MGST1: variants seen among roughly 807,000 people sequenced by gnomAD.
MGST1 encodes the protein glutathione S-transferase 12.
A neutral mutation model predicts 8.9 loss-of-function variants in MGST1; 5 were observed. The observed-to-expected ratio is 0.56, with a 90% CI of 0.29 to 1.19. MGST1 has a LOEUF of 1.19. Ranked by LOEUF, MGST1 falls within the 50% of genes most tolerant of loss-of-function variation. The probability of loss-of-function intolerance (pLI) is 0.08; values close to 1 mark genes in which losing one functional copy is unlikely to be tolerated. For missense variants in MGST1, 182 were observed against 187.4 expected, an observed-to-expected ratio of 0.97 and a Z score of 0.17; for synonymous variants, 54 against 67.8, an observed-to-expected ratio of 0.80 and a Z score of 1.00.
chr12:16,377,972 T>C (rs923145995), downstream of MGST1, among the ~76,000 whole-genome samples: 3 of 151,656 alleles, frequency 2.0e-5, no homozygotes, highest in Admixed American at 2.0e-4. Context: ...TCATATCCTT[T>C]GCCCACTTTT....
At chr12:16,479,395 C>T (rs1005187819) in intron 4 of MGST1, among the ~76,000 whole-genome samples, 38 of 151,342 alleles carry the variant, frequency 2.5e-4, no homozygotes, top group Admixed American at 8.5e-4. Flanking sequence ...CCACCACGCC[C>T]GGCTAATTTT....
intron 4 of MGST1, among the ~76,000 whole-genome samples, chr12:16,539,288 A>G (rs997413069): frequency 6.6e-6 from 1 of 152,204 alleles, no homozygotes; most frequent in Non-Finnish European, 1.5e-5. Flanking sequence ...GAGAAGGTAA[A>G]ATGTACCCTA....
chr12:16,484,461 C>A (rs1941385578), intron 4 of MGST1, among the ~76,000 whole-genome samples: 1 of 152,082 alleles, frequency 6.6e-6, no homozygotes, highest in South Asian at 2.1e-4. Flanking sequence ...TCTCACACTG[C>A]TGTAAATAAA....
chr12:16,395,772 T>C (rs1479721702), intron 1 of MGST1, among the ~76,000 whole-genome samples: 3 of 139,276 alleles, frequency 2.2e-5, no homozygotes, highest in Non-Finnish European at 3.0e-5. Flanking sequence ...GGCTGAGTAG[T>C]ATTCCATCAT....
chr12:16,592,675 TAAAC>T (rs1378993404), downstream of MGST1, among the ~76,000 whole-genome samples: 4 of 151,872 alleles, frequency 2.6e-5, no homozygotes, highest in Non-Finnish European at 4.4e-5. Flanking sequence ...GAGCAGCTAA[TAAAC>T]AAAAAATAAG....
rs1940252998 is a variant in MGST1 at position 16,369,413 on chromosome 12, A to G, written c.222-6709A>G. On this transcript the variant is annotated intron_variant, in intron 3 of 3. Coordinates refer to the MGST1 transcript ENST00000535309. This position sits in a 1 kb window ranked among gnomAD's most constrained non-coding sequence, Gnocchi z 4.8. Reference sequence around the variant, plus strand: ...CAGGGTAGCCAGGCGGTCCTGCTGAATATGTGTCTGGGTTCTCTAAGGAAT... The same window carrying G: ...CAGGGTAGCCAGGCGGTCCTGCTGAGTATGTGTCTGGGTTCTCTAAGGAAT... Among the ~76,000 whole-genome samples the G allele has an allele frequency of 6.6e-6, 1 of 152,024 alleles. No homozygotes were observed. Among genetic ancestry groups the G allele is most frequent in the Non-Finnish European group, 1.5e-5 (1 of 68,002 alleles).
intron 4 of MGST1, among the ~76,000 whole-genome samples, chr12:16,454,556 AC>A (rs1490014596): frequency 4.0e-5 from 6 of 151,822 alleles, no homozygotes; most frequent in Non-Finnish European, 8.8e-5. Context: ...TACCAAAGTC[AC>A]CCGATAATAA....
At chr12:16,477,240 T>A (rs1261794937) in intron 4 of MGST1, among the ~76,000 whole-genome samples, 1 of 151,310 alleles carries the variant, frequency 6.6e-6, no homozygotes, top group East Asian at 1.9e-4. Flanking sequence ...TCTTCCTGAT[T>A]TTTTTCTGAG....
chr12:16,449,377 A>T (rs1181220956), intron 4 of MGST1, among the ~76,000 whole-genome samples: 1 of 151,888 alleles, frequency 6.6e-6, no homozygotes, highest in Non-Finnish European at 1.5e-5. Flanking sequence ...TCATTCATGA[A>T]GGATCTGCCC....
chr12:16,532,388 TAAA>T (rs1468487232), intron 4 of MGST1, among the ~76,000 whole-genome samples: 2 of 152,106 alleles, frequency 1.3e-5, no homozygotes, highest in African/African-American at 4.8e-5. Context: ...TGCTGGGAGT[TAAA>T]AAAATTAACA....
At chr12:16,470,110 C>T (rs2137133606) in intron 4 of MGST1, among the ~76,000 whole-genome samples, 1 of 152,210 alleles carries the variant, frequency 6.6e-6, no homozygotes, top group Non-Finnish European at 1.5e-5. Flanking sequence ...GTTTACTTAT[C>T]TAAGTATTAT....
At chr12:16,545,266 GTATT>G (rs1287196785) in intron 4 of MGST1, among the ~76,000 whole-genome samples, 1 of 152,002 alleles carries the variant, frequency 6.6e-6, no homozygotes, top group Non-Finnish European at 1.5e-5. Context: ...GAGATAAATT[GTATT>G]TATTAGGGTT....
chr12:16,566,321 GTGT>G (rs542136092), intron 4 of MGST1, among the ~76,000 whole-genome samples: 51 of 151,854 alleles, frequency 3.4e-4, no homozygotes, highest in African/African-American at 1.2e-3. Flanking sequence ...ATAAGTTCTG[GTGT>G]TCTGTTATTG....
intron 1 of MGST1, among the ~76,000 whole-genome samples, chr12:16,393,704 T>C (rs1433901880): frequency 6.6e-6 from 1 of 152,214 alleles, no homozygotes; most frequent in African/African-American, 2.4e-5. Context: ...CTAAGCCTGT[T>C]GCGCTCATTA....
chr12:16,529,608 G>A (rs769640498), intron 4 of MGST1, among the ~76,000 whole-genome samples: 1 of 152,002 alleles, frequency 6.6e-6, no homozygotes, highest in Non-Finnish European at 1.5e-5. Flanking sequence ...TCGCCTCCTG[G>A]TGTCTTCCAC....
intron 4 of MGST1, among the ~76,000 whole-genome samples, chr12:16,449,859 C>G (rs1941115433): frequency 6.6e-6 from 1 of 151,916 alleles, no homozygotes. Context: ...ACTCAAAAGG[C>G]AAATAGCTCT....
At chr12:16,372,960 ATAT>A (rs1277281381) in intron 3 of MGST1, among the ~76,000 whole-genome samples, 2 of 147,240 alleles carry the variant, frequency 1.4e-5, no homozygotes, top group African/African-American at 2.5e-5. Context: ...TACATATTAC[ATAT>A]TATATATTAC....
At chr12:16,557,171 T>C (rs2010044305) in intron 4 of MGST1, among the ~76,000 whole-genome samples, 1 of 152,136 alleles carries the variant, frequency 6.6e-6, no homozygotes, top group African/African-American at 2.4e-5. Context: ...AGGCTGGGTT[T>C]AGCACTTGAA....
At chr12:16,580,544 C>T (rs994731480) in intron 4 of MGST1, among the ~76,000 whole-genome samples, 3 of 152,016 alleles carry the variant, frequency 2.0e-5, no homozygotes, top group African/African-American at 4.8e-5. Flanking sequence ...TTTCTGGGGA[C>T]AACTAGAGAA....
Sources: gnomAD v4.1 joint callset for allele counts (sites outside exome capture counted in the v4.1 genomes callset) on GRCh38, gnomAD v4.1.1 for gene constraint, Gnocchi (gnomAD v3.1) non-coding constraint, MANE v1.5 for transcripts, NCBI Gene and HGNC (gene_info 2026-07-23, HGNC 2026-07-21) for gene names.